Variants in SLC35F4 observed in about 807,000 individuals in gnomAD.
SLC35F4 encodes the protein chromosome 14 open reading frame 36.
Under a neutral mutation model 44.2 loss-of-function variants are expected in SLC35F4, and 24 were observed. The ratio of observed to expected loss-of-function variants is 0.54; its 90% CI spans 0.39 to 0.76. SLC35F4 has a LOEUF of 0.76. Among genes scored for constraint, SLC35F4 ranks in the 30% least tolerant of loss-of-function variants. The pLI, the probability that SLC35F4 is intolerant of heterozygous loss-of-function variation, is 0.00. For synonymous variants in SLC35F4, 238 were observed against 223.6 expected (o/e 1.06, Z -0.57); for missense variants, 562 against 586.1 (o/e 0.96, Z 0.42).
intron 1 of SLC35F4, among the ~76,000 whole-genome samples, chr14:57,839,498 G>A (rs1885278610): frequency 6.6e-6 from 1 of 152,132 alleles, no homozygotes; most frequent in Admixed American, 6.6e-5. Context: ...ACCAAACACT[G>A]AATGTTCTCG....
intron 1 of SLC35F4, among the ~76,000 whole-genome samples, chr14:57,594,497 A>C (rs1350170927): frequency 6.6e-6 from 1 of 152,240 alleles, no homozygotes; most frequent in East Asian, 1.9e-4. Flanking sequence ...AAAGGGGCTC[A>C]TAAAAAGAAA....
At chr14:57,719,878 T>C (rs1566793116) in intron 1 of SLC35F4, among the ~76,000 whole-genome samples, 1 of 152,156 alleles carries the variant, frequency 6.6e-6, no homozygotes, top group Non-Finnish European at 1.5e-5. Flanking sequence ...GTAGGCATCC[T>C]TGTGCTCCAG....
At chr14:57,632,302 C>G (rs550220794) in intron 1 of SLC35F4, among the ~76,000 whole-genome samples, 73 of 151,836 alleles carry the variant, frequency 4.8e-4, no homozygotes, top group Non-Finnish European at 3.7e-4. Flanking sequence ...TTTTGAATGT[C>G]TGGATCAAAA....
intron 1 of SLC35F4, among the ~76,000 whole-genome samples, chr14:57,817,057 C>A (rs1424916375): frequency 1.3e-5 from 2 of 152,160 alleles, no homozygotes; most frequent in African/African-American, 4.8e-5. Flanking sequence ...GACTCTGGAA[C>A]TAGTGACTCA....
chr14:57,750,874 T>A (rs544472428), intron 1 of SLC35F4, among the ~76,000 whole-genome samples: 3 of 152,316 alleles, frequency 2.0e-5, no homozygotes, highest in South Asian at 4.1e-4. Flanking sequence ...GTGGTTAACT[T>A]ATAGGCAGTC....
At chr14:57,664,450 C>T (rs547810789) in intron 1 of SLC35F4, among the ~76,000 whole-genome samples, 2 of 152,212 alleles carry the variant, frequency 1.3e-5, no homozygotes, top group South Asian at 2.1e-4. Flanking sequence ...GCTCCGTCAT[C>T]CAGGCTGAAG....
chr14:57,838,279 G>A (rs1885140703), intron 1 of SLC35F4, among the ~76,000 whole-genome samples: 1 of 152,166 alleles, frequency 6.6e-6, no homozygotes, highest in African/African-American at 2.4e-5. Flanking sequence ...CCCCAAGAAG[G>A]CAAACAGGAA....
intron 1 of SLC35F4, among the ~76,000 whole-genome samples, chr14:57,946,820 A>G (rs1189131334): frequency 6.6e-6 from 1 of 151,968 alleles, no homozygotes; most frequent in African/African-American, 2.4e-5. Context: ...CCATTTGTCT[A>G]TATGCCTATT....
chr14:57,606,461 T>C (rs1411421689), intron 1 of SLC35F4, among the ~76,000 whole-genome samples: 2 of 152,212 alleles, frequency 1.3e-5, no homozygotes, highest in Non-Finnish European at 1.5e-5. Flanking sequence ...TTTCTGGATT[T>C]TCATATGTTG....
chr14:57,564,044 G>T lies in SLC35F4; in HGVS notation c.*91C>A. 2 of 1,424,016 alleles carry T rather than the reference G, an allele frequency of 1.4e-6. No homozygotes were observed. The highest frequency in any genetic ancestry group is 1.9e-6 in the Non-Finnish European group (2 of 1,042,724). The allele number at this position is 1,424,016 out of a possible 1,614,324, so 88.2% of individuals were successfully genotyped here. On this transcript the variant is annotated 3_prime_UTR_variant, in exon 8 of 8. Transcript: ENST00000556826. ...CACATATGATTTATCCAAATTCAGAGTTAATACTGTCGTTTGAGTGTACAG... is the reference window on the plus strand; with the variant it reads ...CACATATGATTTATCCAAATTCAGATTTAATACTGTCGTTTGAGTGTACAG...
chr14:57,793,653 C>A (rs928755808), intron 1 of SLC35F4, among the ~76,000 whole-genome samples: 1 of 151,756 alleles, frequency 6.6e-6, no homozygotes, highest in African/African-American at 2.4e-5. Context: ...GATTCTATAT[C>A]TTTGTAATTG....
chr14:57,754,033 T>C (rs987506392), intron 1 of SLC35F4, among the ~76,000 whole-genome samples: 4 of 150,986 alleles, frequency 2.6e-5, no homozygotes, highest in Non-Finnish European at 4.4e-5. Context: ...ACCAGGACAA[T>C]AGGAAAAGCT....
intron 1 of SLC35F4, among the ~76,000 whole-genome samples, chr14:57,950,830 G>A (rs1008573285): frequency 5.9e-5 from 9 of 151,980 alleles, no homozygotes; most frequent in Non-Finnish European, 1.3e-4. Flanking sequence ...CACCACGCCA[G>A]GCTAATTTGT....
At chr14:57,750,845 G>C (rs956350997) in intron 1 of SLC35F4, among the ~76,000 whole-genome samples, 5 of 152,134 alleles carry the variant, frequency 3.3e-5, no homozygotes, top group African/African-American at 1.2e-4. Flanking sequence ...TGGTTAATTT[G>C]TAGGCAGTTT....
At chr14:57,591,793 T>G (rs928661383) in intron 2 of SLC35F4, among the ~76,000 whole-genome samples, 1 of 152,222 alleles carries the variant, frequency 6.6e-6, no homozygotes, top group African/African-American at 2.4e-5. Context: ...GAGAAAGGTG[T>G]ACCCTACTAC....
chr14:57,587,280 A>C (rs1185346817), intron 3 of SLC35F4, among the ~76,000 whole-genome samples: 1 of 152,380 alleles, frequency 6.6e-6, no homozygotes, highest in African/African-American at 2.4e-5. Flanking sequence ...AACTGGGTAT[A>C]TATCCAAAGG....
At chr14:57,778,476 TA>T (rs1392339255) in intron 1 of SLC35F4, among the ~76,000 whole-genome samples, 2 of 152,020 alleles carry the variant, frequency 1.3e-5, no homozygotes, top group African/African-American at 4.8e-5. Flanking sequence ...CCGAGATTCA[TA>T]AAACAAGTTC....
intron 1 of SLC35F4, among the ~76,000 whole-genome samples, chr14:57,655,239 T>A (rs1401483386): frequency 2.0e-5 from 3 of 152,156 alleles, no homozygotes; most frequent in Non-Finnish European, 4.4e-5. Flanking sequence ...AAATAAATTA[T>A]AAATAATCTT....
At chr14:57,940,137 G>C (rs1889890115) in intron 1 of SLC35F4, among the ~76,000 whole-genome samples, 1 of 152,174 alleles carries the variant, frequency 6.6e-6, no homozygotes, top group African/African-American at 2.4e-5. Context: ...AGGAAAGGGT[G>C]TGAATAGAAT....
Sources: gnomAD v4.1 joint callset for allele counts (sites outside exome capture counted in the v4.1 genomes callset) on GRCh38, gnomAD v4.1.1 for gene constraint, MANE v1.5 for transcripts, NCBI Gene and HGNC (gene_info 2026-07-23, HGNC 2026-07-21) for gene names.